SSBP2: variants seen among roughly 807,000 people sequenced by gnomAD.
SSBP2 encodes the protein single stranded DNA binding protein 2, also known as single-stranded DNA-binding protein 2.
SSBP2 carries 17 observed loss-of-function variants against 61.8 expected under a neutral mutation model. That is an observed-to-expected ratio of 0.28 (90% CI 0.19 to 0.41). The LOEUF (loss-of-function observed/expected upper bound fraction) is 0.41. Ranked by LOEUF, SSBP2 falls within the 10% of genes least tolerant of loss-of-function variation. SSBP2 has a pLI of 1.00. For missense variants in SSBP2, 310 were observed against 458.7 expected (o/e 0.68, Z 2.96); for synonymous variants, 139 against 141.3 (o/e 0.98, Z 0.12).
At chr5:81,558,148 C>T (rs569003233) in intron 4 of SSBP2, among the ~76,000 whole-genome samples, 7 of 152,232 alleles carry the variant, frequency 4.6e-5, no homozygotes, top group African/African-American at 1.7e-4. Context: ...TGTTACAGTA[C>T]CCTGTGCTTT....
At chr5:81,607,320 C>T (rs1357772657) in intron 4 of SSBP2, among the ~76,000 whole-genome samples, 2 of 152,082 alleles carry the variant, frequency 1.3e-5, no homozygotes, top group Non-Finnish European at 2.9e-5. Context: ...ACAATGTTCC[C>T]GCAGAATTGG....
intron 16 of SSBP2, among the ~76,000 whole-genome samples, chr5:81,423,428 A>T (rs1238333120): frequency 6.6e-6 from 1 of 152,198 alleles, no homozygotes; most frequent in African/African-American, 2.4e-5. Flanking sequence ...TTCAGAAAGG[A>T]CCTCAAAGGA....
chr5:81,750,393 G>C (rs1372097891), intron 1 of SSBP2, among the ~76,000 whole-genome samples: 1 of 145,308 alleles, frequency 6.9e-6, no homozygotes, highest in Non-Finnish European at 1.5e-5. Flanking sequence ...GGCCCCGCTC[G>C]GCCGCTCCAC....
intron 10 of SSBP2, among the ~76,000 whole-genome samples, chr5:81,460,295 G>A (rs905334630): frequency 4.6e-5 from 7 of 152,214 alleles, no homozygotes; most frequent in Admixed American, 4.6e-4. Flanking sequence ...CTCTTGACCC[G>A]GGAACCTTTG....
At chr5:81,640,573 A>G (rs1051082025) in intron 2 of SSBP2, among the ~76,000 whole-genome samples, 18 of 152,144 alleles carry the variant, frequency 1.2e-4, no homozygotes, top group African/African-American at 4.1e-4. Flanking sequence ...TCGACATTTT[A>G]TATTATCTTG....
rs1439350372 is a variant in SSBP2 at position 81,416,062 on chromosome 5, A to C, written c.*4442T>G. 1 of 151,756 alleles carries C rather than the reference A, an allele frequency of 6.6e-6. No individual in the cohort carries two copies. The highest frequency in any genetic ancestry group is 1.5e-5 in the Non-Finnish European group (1 of 68,064). 9.4% of individuals were successfully genotyped at this position (151,756 alleles called of 1,614,324 possible). On this transcript the variant is annotated 3_prime_UTR_variant, in exon 17 of 17. Coordinates refer to ENST00000320672, the MANE Select transcript of SSBP2 (RefSeq NM_012446.5). ...ACATGGTGAAACCCTGCCTCTACTA[A>C]AAATACAAAAATTAGCCTGTGACGC... is the stretch of plus-strand genomic sequence containing the variant.
At chr5:81,547,587 C>T (rs1205881982) in intron 4 of SSBP2, among the ~76,000 whole-genome samples, 2 of 152,182 alleles carry the variant, frequency 1.3e-5, no homozygotes, top group African/African-American at 4.8e-5. Flanking sequence ...CTGCTTCAGC[C>T]TTCCAAGTAG....
intron 2 of SSBP2, among the ~76,000 whole-genome samples, chr5:81,645,026 A>T (rs1371919284): frequency 6.6e-6 from 1 of 152,228 alleles, no homozygotes; most frequent in Non-Finnish European, 1.5e-5. Flanking sequence ...AAGATTTTTT[A>T]AAATGACACT....
rs1369669397 is a variant in SSBP2 at position 81,676,988 on chromosome 5, A to G, written c.63-26649T>C. 2.6e-5 allele frequency among the ~76,000 whole-genome samples: 4 copies of G among 152,258 alleles called. No homozygotes were observed. In the South Asian group the frequency reaches 6.2e-4, roughly 24 times the overall value. ...ATCAGAAAAATTAAGAGCCAGGAAG[A>G]TTTCAAAATTTATTCAAGGTCACTC... On this transcript the variant is annotated intron_variant, in intron 1 of 16. Transcript: ENST00000320672.
chr5:81,591,506 T>C (rs987669365), intron 4 of SSBP2, among the ~76,000 whole-genome samples: 4 of 152,148 alleles, frequency 2.6e-5, no homozygotes, highest in Admixed American at 1.3e-4. Flanking sequence ...GCTTAAAATA[T>C]TTATGACTAA....
intron 1 of SSBP2, among the ~76,000 whole-genome samples, chr5:81,689,773 CTGGTA>C (rs989987825): frequency 1.2e-4 from 18 of 152,226 alleles, no homozygotes; most frequent in African/African-American, 4.3e-4. Flanking sequence ...ACAAAACTTA[CTGGTA>C]TGGTAAGTAC....
At chr5:81,629,417 T>TC (rs974779024) in intron 3 of SSBP2, among the ~76,000 whole-genome samples, 9 of 152,200 alleles carry the variant, frequency 5.9e-5, no homozygotes, top group African/African-American at 2.2e-4. Flanking sequence ...TCATAATCTG[T>TC]CCCCTGCTTT....
intron 3 of SSBP2, among the ~76,000 whole-genome samples, chr5:81,628,109 AC>A (rs981714535): frequency 6.6e-6 from 1 of 152,150 alleles, no homozygotes; most frequent in African/African-American, 2.4e-5. Flanking sequence ...GCTAATAAAG[AC>A]ATACCTGAGA....
Position 81,419,513 on chromosome 5 carries a change from T to C in SSBP2, c.*991A>G, listed in dbSNP as rs900268723. 3.3e-5 allele frequency: 5 copies of C among 152,242 alleles called. No homozygotes were observed. The highest frequency in any genetic ancestry group is 5.9e-5 in the Non-Finnish European group (4 of 68,034). 9.4% of individuals were successfully genotyped at this position (152,242 alleles called of 1,614,324 possible). A position where few individuals can be genotyped will look rare whatever the true frequency, so the allele number is the denominator to read the frequency against. ...CAGATACCATTTCACATTAGTATGT[T>C]ATTAAAAATTTACCTCTAGTACTCC... On this transcript the variant is annotated 3_prime_UTR_variant, in exon 17 of 17. Transcript: ENST00000320672.
chr5:81,727,174 A>C (rs1755943996), intron 1 of SSBP2, among the ~76,000 whole-genome samples: 1 of 152,212 alleles, frequency 6.6e-6, no homozygotes, highest in South Asian at 2.1e-4. Flanking sequence ...AAATATCAAC[A>C]AACCTTTCTA....
intron 10 of SSBP2, among the ~76,000 whole-genome samples, chr5:81,460,685 A>T (rs1048206108): frequency 1.3e-5 from 2 of 152,180 alleles, no homozygotes; most frequent in Non-Finnish European, 2.9e-5. Context: ...TTCTTCTAAC[A>T]GGTTGATTGT....
rs571417442 is a variant in SSBP2 at position 81,733,092 on chromosome 5, G to C, written c.62+17889C>G. Among the ~76,000 whole-genome samples the C allele has an allele frequency of 2.0e-5, 3 of 152,174 alleles. No homozygotes were observed. The South Asian group carries it at 6.2e-4, about 32-fold the overall frequency. The stretch of plus-strand genomic sequence containing the variant: ...AGTTCTAAAATATTTCAATAAACTT[G>C]TTTGTTAAATATTATAGCCTTCCTA... On this transcript the variant is annotated intron_variant, in intron 1 of 16. Coordinates refer to ENST00000320672, the MANE Select transcript of SSBP2 (RefSeq NM_012446.5).
intron 15 of SSBP2, among the ~76,000 whole-genome samples, chr5:81,429,436 T>C (rs1762153316): frequency 6.6e-6 from 1 of 152,204 alleles, no homozygotes; most frequent in Admixed American, 6.5e-5. Context: ...AGTCTCATTA[T>C]TACCGCACAA....
chr5:81,506,211 G>A (rs958259864), intron 5 of SSBP2, among the ~76,000 whole-genome samples: 1 of 151,994 alleles, frequency 6.6e-6, no homozygotes, highest in Non-Finnish European at 1.5e-5. Flanking sequence ...TTTAGAATCT[G>A]TGTTCTTTAA....
Sources: allele counts gnomAD v4.1 joint callset (sites outside exome capture counted in the v4.1 genomes callset), GRCh38; gene constraint gnomAD v4.1.1; transcripts MANE v1.5; gene names NCBI Gene and HGNC (gene_info 2026-07-23, HGNC 2026-07-21).